Variants in RYR3 observed in about 807,000 individuals in gnomAD.
RYR3 encodes the protein ryanodine receptor 3.
In RYR3, 207 loss-of-function variants were observed where a neutral mutation model predicts 584.3. The ratio of observed to expected loss-of-function variants is 0.35; its 90% CI spans 0.32 to 0.40. The LOEUF (loss-of-function observed/expected upper bound fraction) is 0.40, where lower values mean the gene tolerates loss of function less well. Among genes scored for constraint, RYR3 ranks in the 10% least tolerant of loss-of-function variants. RYR3 has a pLI of 1.00. For synonymous variants in RYR3, 2,416 were observed against 2,248.5 expected (o/e 1.07, Z -2.11); for missense variants, 5,616 against 6,089.2 (o/e 0.92, Z 2.59).
At chr15:33,468,742 T>C (rs1248624775) in intron 1 of RYR3, among the ~76,000 whole-genome samples, 1 of 152,204 alleles carries the variant, frequency 6.6e-6, no homozygotes, top group Non-Finnish European at 1.5e-5. Flanking sequence ...GGGTGCATAA[T>C]AGACATCAGA....
At chr15:33,720,581 T>A (rs548106393) in intron 43 of RYR3, among the ~76,000 whole-genome samples, 1 of 152,348 alleles carries the variant, frequency 6.6e-6, no homozygotes, top group South Asian at 2.1e-4. Context: ...TCAGATGCTC[T>A]GCCAGGGTGT....
intron 94 of RYR3, among the ~76,000 whole-genome samples, chr15:33,848,713 A>G (rs1462886437): frequency 6.6e-6 from 1 of 151,804 alleles, no homozygotes; most frequent in East Asian, 1.9e-4. Context: ...CGAGTCACAC[A>G]GTGTTTCCAG....
chr15:33,688,206 C>G (rs2065153106), intron 38 of RYR3, among the ~76,000 whole-genome samples: 1 of 82,810 alleles, frequency 1.2e-5, no homozygotes, highest in Non-Finnish European at 2.4e-5. Context: ...AGAACTCAAA[C>G]AGATTTACAA....
chr15:33,465,890 T>G (rs1461609481), intron 1 of RYR3: 1 of 468,684 alleles, frequency 2.1e-6, no homozygotes, highest in Admixed American at 2.1e-5. Flanking sequence ...CCTCCCTTCC[T>G]TTCTTCATCT....
intron 18 of RYR3, among the ~76,000 whole-genome samples, chr15:33,610,771 C>CT (rs1173440567): frequency 6.6e-6 from 1 of 152,102 alleles, no homozygotes; most frequent in Non-Finnish European, 1.5e-5. Flanking sequence ...GGACTCAACT[C>CT]TAAACACAAA....
intron 69 of RYR3, among the ~76,000 whole-genome samples, chr15:33,802,998 AGCTGCAGACAAGGG>A (rs1383460142): frequency 1.3e-5 from 2 of 152,204 alleles, no homozygotes; most frequent in Non-Finnish European, 2.9e-5. Flanking sequence ...CTCATATATA[AGCTGCAGACAAGGG>A]GCTGGTATGA....
At chr15:33,799,908 CGTT>C (rs2075830213) in intron 67 of RYR3, among the ~76,000 whole-genome samples, 1 of 148,600 alleles carries the variant, frequency 6.7e-6, no homozygotes, top group Non-Finnish European at 1.5e-5. Flanking sequence ...ATATCAGAAG[CGTT>C]GAGCAGAGAA....
chr15:33,702,105 G>A (rs184559312), intron 42 of RYR3, among the ~76,000 whole-genome samples: 93 of 152,264 alleles, frequency 6.1e-4, no homozygotes, highest in African/African-American at 2.2e-3. Flanking sequence ...GCAAGGAAGT[G>A]GAGGCATAAA....
At chr15:33,743,114 C>T (rs985319241) in intron 52 of RYR3, among the ~76,000 whole-genome samples, 3 of 152,154 alleles carry the variant, frequency 2.0e-5, no homozygotes, top group Admixed American at 6.5e-5. Context: ...CTGCAGCCTA[C>T]GGTGTGTAAC....
At chr15:33,605,977 T>C (rs1464686698) in intron 18 of RYR3, among the ~76,000 whole-genome samples, 1 of 152,234 alleles carries the variant, frequency 6.6e-6, no homozygotes, top group Non-Finnish European at 1.5e-5. Context: ...TGTGCATAAA[T>C]TAAGCCACTG....
chr15:33,592,769 T>C (rs2059194165), intron 16 of RYR3, among the ~76,000 whole-genome samples: 1 of 152,196 alleles, frequency 6.6e-6, no homozygotes, highest in Non-Finnish European at 1.5e-5. Flanking sequence ...CACTCCCTTT[T>C]CTTTTCAAAG....
chr15:33,521,258 A>C (rs1037018739), intron 3 of RYR3, among the ~76,000 whole-genome samples: 22 of 152,244 alleles, frequency 1.4e-4, no homozygotes, highest in African/African-American at 5.3e-4. Context: ...CCTGAAAGAG[A>C]CTACTTTACT....
At chr15:33,754,618 C>T (rs1241837809) in intron 57 of RYR3, among the ~76,000 whole-genome samples, 1 of 152,180 alleles carries the variant, frequency 6.6e-6, no homozygotes, top group Non-Finnish European at 1.5e-5. Flanking sequence ...GGCAGTTTTA[C>T]CTTTAAAATA....
rs1284254154 is a variant in RYR3 at position 33,354,257 on chromosome 15, GTGAAAGAACCA to G, written c.51+43164_51+43174del. 2.6e-5 allele frequency among the ~76,000 whole-genome samples: 4 copies of G among 152,314 alleles called. No individual in the cohort carries two copies. The East Asian group carries it at 7.7e-4, about 29-fold the overall frequency. On this transcript the variant is annotated intron_variant, in intron 1 of 103. Transcript: ENST00000634891. ...CTGCAGCATCTACCAAGAAACCACT[GTGAAAGAACCA>G]TGTAGTAAGATGCCCATTTCTTAGT... is the stretch of plus-strand genomic sequence containing the variant.
rs1239128849 is a variant in RYR3 at position 33,424,754 on chromosome 15, GTCTTATTTA to G, written c.52-48653_52-48645del. ...TGGGGGTTTTTGTGAACTCTTCTGT[GTCTTATTTA>G]TCTTATTTATCATATCTTATTTATA... On this transcript the variant is annotated intron_variant, in intron 1 of 103. Coordinates refer to ENST00000634891, the MANE Select transcript of RYR3 (RefSeq NM_001036.6). Among the ~76,000 whole-genome samples, 5 of 152,124 alleles carry G rather than the reference GTCTTATTTA, an allele frequency of 3.3e-5. No individual in the cohort carries two copies. In the East Asian group the frequency reaches 9.7e-4, roughly 29 times the overall value.
At chr15:33,642,109 G>T (rs2061861370) in intron 27 of RYR3, among the ~76,000 whole-genome samples, 1 of 152,150 alleles carries the variant, frequency 6.6e-6, no homozygotes, top group Non-Finnish European at 1.5e-5. Flanking sequence ...GAATGAAGAG[G>T]AGCTCAACAT....
chr15:33,471,185 TG>T (rs1033092484), intron 1 of RYR3, among the ~76,000 whole-genome samples: 6 of 152,116 alleles, frequency 3.9e-5, no homozygotes, highest in African/African-American at 1.4e-4. Flanking sequence ...CCACTCCAGG[TG>T]GTGTCTGCAG....
chr15:33,802,024 T>C, intron 69 of RYR3, 63 bp downstream of exon 69: 4 of 983,210 alleles, frequency 4.1e-6, no homozygotes, highest in South Asian at 3.8e-5. Flanking sequence ...GACTTGGATC[T>C]GTTTCATACT....
intron 1 of RYR3, among the ~76,000 whole-genome samples, chr15:33,368,806 T>G (rs1975893189): frequency 6.6e-6 from 1 of 152,058 alleles, no homozygotes; most frequent in Non-Finnish European, 1.5e-5. Flanking sequence ...GGCTCTAGTG[T>G]CTCGAGATTG....
Sources: gnomAD v4.1 joint callset for allele counts (sites outside exome capture counted in the v4.1 genomes callset) on GRCh38, gnomAD v4.1.1 for gene constraint, MANE v1.5 for transcripts, NCBI Gene and HGNC (gene_info 2026-07-23, HGNC 2026-07-21) for gene names.